PWWP3B: variants seen among roughly 807,000 people sequenced by gnomAD.
PWWP3B encodes the protein PWWP domain containing 3B.
A neutral mutation model predicts 15.7 loss-of-function variants in PWWP3B; 5 were observed. The observed-to-expected ratio is 0.32, with a 90% CI of 0.17 to 0.67. The LOEUF (loss-of-function observed/expected upper bound fraction) is 0.67. Among genes scored for constraint, PWWP3B ranks in the 30% least tolerant of loss-of-function variants. PWWP3B has a pLI of 0.74. For synonymous variants in PWWP3B, 203 were observed against 179.8 expected (o/e 1.13, Z -1.03); for missense variants, 519 against 493.1 (o/e 1.05, Z -0.50).
At chrX:106,179,646 C>T (rs1302840576) in intron 2 of PWWP3B, among the ~76,000 whole-genome samples, 1 of 111,570 alleles carries the variant, frequency 9.0e-6, no homozygotes. Flanking sequence ...GGGTAAGGGC[C>T]CTGCCAGACA....
intron 2 of PWWP3B, among the ~76,000 whole-genome samples, chrX:106,185,088 G>T (rs890444688): frequency 1.8e-5 from 2 of 111,828 alleles, no homozygotes; most frequent in African/African-American, 3.3e-5. Context: ...CACTCCATTT[G>T]CCCTCCCTGT....
Position 106,206,597 on chromosome X carries a change from C to G in PWWP3B, c.1165C>G (p.Pro389Ala). 9 of 1,209,773 alleles carry G rather than the reference C, an allele frequency of 7.4e-6. No homozygotes were observed. The highest frequency in any genetic ancestry group is 1.0e-5 in the Non-Finnish European group (9 of 894,411). Residue 389 changes from proline to alanine, a missense_variant, in exon 4 of 4, where the codon CCG becomes GCG. Coordinates refer to ENST00000357175, the MANE Select transcript of PWWP3B (RefSeq NM_001171020.2). ...PRFILHYETHPFETGMIVWFK... is the reference protein window; with the variant it reads ...PRFILHYETHAFETGMIVWFK... ...CTTCATTTTACATTATGAGACACAT[C>G]CGTTTGAAACAGGAATGATAGTCTG...
At chrX:106,195,031 T>A (rs1227100873) in intron 2 of PWWP3B, among the ~76,000 whole-genome samples, 1 of 111,637 alleles carries the variant, frequency 9.0e-6, no homozygotes, top group Non-Finnish European at 1.9e-5. Context: ...TCAGATCTCA[T>A]GCTGGGAGAA....
At chrX:106,185,472 T>C (rs1329389867) in intron 2 of PWWP3B, among the ~76,000 whole-genome samples, 1 of 111,318 alleles carries the variant, frequency 9.0e-6, no homozygotes, top group African/African-American at 3.3e-5. Context: ...AACTTGCTGA[T>C]CAGAGTAGTT....
intron 2 of PWWP3B, among the ~76,000 whole-genome samples, chrX:106,178,867 A>G (rs1012219421): frequency 8.9e-6 from 1 of 112,010 alleles, no homozygotes; most frequent in Non-Finnish European, 1.9e-5. Flanking sequence ...TAACCATGCA[A>G]TTATTTTTCT....
At chrX:106,173,190 C>T (rs1469787403) in intron 2 of PWWP3B, among the ~76,000 whole-genome samples, 4 of 111,242 alleles carry the variant, frequency 3.6e-5, no homozygotes, top group Non-Finnish European at 7.5e-5. Context: ...ATAGACAGGG[C>T]AGTAGTGGCA....
intron 2 of PWWP3B, among the ~76,000 whole-genome samples, chrX:106,192,562 G>C (rs1255290650): frequency 1.8e-5 from 2 of 111,167 alleles, no homozygotes; most frequent in Non-Finnish European, 1.9e-5. Flanking sequence ...TCTGATCTTA[G>C]TTATTTCTTG....
chrX:106,189,934 A>T (rs1374935688), intron 2 of PWWP3B, among the ~76,000 whole-genome samples: 3 of 112,693 alleles, frequency 2.7e-5, no homozygotes, highest in Non-Finnish European at 5.6e-5. Flanking sequence ...TTCTTAATCC[A>T]GTCTATCATT....
intron 2 of PWWP3B, among the ~76,000 whole-genome samples, chrX:106,185,275 G>A (rs773740201): frequency 9.0e-6 from 1 of 111,526 alleles, no homozygotes; most frequent in Non-Finnish European, 1.9e-5. Flanking sequence ...TACATTTCAA[G>A]TGTGAGCCTG....
chrX:106,175,599 G>A (rs985685573), intron 2 of PWWP3B, among the ~76,000 whole-genome samples: 1 of 110,741 alleles, frequency 9.0e-6, no homozygotes, highest in African/African-American at 3.3e-5. Flanking sequence ...ATCATCTTTG[G>A]TTCTACCAAA....
intron 2 of PWWP3B, among the ~76,000 whole-genome samples, chrX:106,189,990 G>A (rs1024587352): frequency 9.0e-6 from 1 of 111,494 alleles, no homozygotes; most frequent in Non-Finnish European, 1.9e-5. Context: ...TGTGAATAGT[G>A]CCACTATAAA....
intron 2 of PWWP3B, among the ~76,000 whole-genome samples, chrX:106,172,966 C>A (rs1921699811): frequency 8.9e-6 from 1 of 112,152 alleles, no homozygotes; most frequent in Non-Finnish European, 1.9e-5. Context: ...TATAATCTTA[C>A]AGGAACGTCG....
At chrX:106,173,141 G>T (rs1921708004) in intron 2 of PWWP3B, among the ~76,000 whole-genome samples, 2 of 111,699 alleles carry the variant, frequency 1.8e-5, no homozygotes, top group African/African-American at 6.5e-5. Context: ...TTGATGCTGA[G>T]CCTCATTGTG....
chrX:106,200,121 C>T (rs1018112141), intron 2 of PWWP3B, among the ~76,000 whole-genome samples: 1 of 111,321 alleles, frequency 9.0e-6, no homozygotes, highest in Non-Finnish European at 1.9e-5. Context: ...ACCACTAAAA[C>T]CTTCCATATG....
chrX:106,189,857 T>C (rs1403827638), intron 2 of PWWP3B, among the ~76,000 whole-genome samples: 1 of 111,466 alleles, frequency 9.0e-6, no homozygotes, highest in African/African-American at 3.3e-5. Flanking sequence ...GACCTCGTGA[T>C]CCGCCTGCCT....
At chrX:106,171,381 A>G (rs1361564132) in intron 2 of PWWP3B, among the ~76,000 whole-genome samples, 1 of 111,611 alleles carries the variant, frequency 9.0e-6, no homozygotes, top group South Asian at 3.7e-4. Context: ...AAGAATCCAT[A>G]TATTATACCA....
intron 2 of PWWP3B, among the ~76,000 whole-genome samples, chrX:106,191,628 A>G (rs1378685879): frequency 9.0e-6 from 1 of 111,595 alleles, no homozygotes; most frequent in African/African-American, 3.3e-5. Context: ...CTGTTTTCAA[A>G]GGGAATGCTT....
intron 2 of PWWP3B, among the ~76,000 whole-genome samples, chrX:106,189,809 G>A (rs1379069524): frequency 1.8e-5 from 2 of 109,334 alleles, no homozygotes; most frequent in Non-Finnish European, 3.8e-5. Context: ...AGTAGAGACG[G>A]GGTTTCACCG....
chrX:106,195,944 T>C, intron 2 of PWWP3B, among the ~76,000 whole-genome samples: 1 of 111,668 alleles, frequency 9.0e-6, no homozygotes, highest in East Asian at 2.8e-4. Context: ...TATTTCTCTA[T>C]TTATTTAGGT....
Sources: allele counts gnomAD v4.1 joint callset (sites outside exome capture counted in the v4.1 genomes callset), GRCh38; gene constraint gnomAD v4.1.1; transcripts MANE v1.5; gene names NCBI Gene and HGNC (gene_info 2026-07-23, HGNC 2026-07-21).